The following SOX6 variants were observed in gnomAD, a reference collection of about 807,000 sequenced individuals.
The protein encoded by SOX6 is transcription factor SOX-6.
Under a neutral mutation model 97.8 loss-of-function variants are expected in SOX6, and 11 were observed. The ratio of observed to expected loss-of-function variants is 0.11; its 90% CI spans 0.07 to 0.19. The LOEUF (loss-of-function observed/expected upper bound fraction) is 0.19, where lower values mean the gene tolerates loss of function less well. Among genes scored for constraint, SOX6 ranks in the 10% least tolerant of loss-of-function variants. SOX6 has a pLI of 1.00. For synonymous variants in SOX6, 360 were observed against 371.4 expected (o/e 0.97, Z 0.35); for missense variants, 810 against 1,039.5 (o/e 0.78, Z 3.04).
chr11:16,063,218 T>C (rs898656855), intron 9 of SOX6, among the ~76,000 whole-genome samples: 5 of 151,286 alleles, frequency 3.3e-5, no homozygotes, highest in African/African-American at 1.2e-4. Flanking sequence ...AAATCTGTCT[T>C]CCATTTGGAT....
intron 7 of SOX6, among the ~76,000 whole-genome samples, chr11:16,102,961 C>T (rs1326615435): frequency 1.3e-5 from 2 of 151,918 alleles, no homozygotes; most frequent in African/African-American, 4.8e-5. Flanking sequence ...TAGACATTGG[C>T]TTAGGCAAAG....
chr11:16,273,636 C>T (rs1333600858), intron 3 of SOX6, among the ~76,000 whole-genome samples: 1 of 151,426 alleles, frequency 6.6e-6, no homozygotes, highest in Non-Finnish European at 1.5e-5. Flanking sequence ...AAAGAGGCAA[C>T]CAGGAGGAAA....
intron 6 of SOX6, among the ~76,000 whole-genome samples, chr11:16,141,915 C>T (rs1056924177): frequency 1.3e-5 from 2 of 152,080 alleles, no homozygotes; most frequent in Non-Finnish European, 2.9e-5. Flanking sequence ...TCTGTAGACT[C>T]CACCTCTGGA....
chr11:16,551,977 G>C (rs770974155), intron 4 of SOX6, among the ~76,000 whole-genome samples: 3 of 151,686 alleles, frequency 2.0e-5, no homozygotes, highest in Non-Finnish European at 4.4e-5. Context: ...CAATTCAAAG[G>C]GTATTCTTGA....
intron 4 of SOX6, among the ~76,000 whole-genome samples, chr11:16,588,843 T>C (rs1033066618): frequency 1.3e-5 from 2 of 152,092 alleles, no homozygotes; most frequent in African/African-American, 4.8e-5. Context: ...AGCCTGGGCG[T>C]TGTAGCAAGA....
intron 3 of SOX6, among the ~76,000 whole-genome samples, chr11:16,295,724 T>C (rs1855061199): frequency 6.6e-6 from 1 of 152,088 alleles, no homozygotes; most frequent in South Asian, 2.1e-4. Context: ...CCGATTTTAA[T>C]TTACCAAAAG....
intron 3 of SOX6, among the ~76,000 whole-genome samples, chr11:16,674,749 A>G (rs916151282): frequency 1.2e-4 from 18 of 152,188 alleles, no homozygotes; most frequent in African/African-American, 4.3e-4. Context: ...CCAGGAGTTC[A>G]AGACCAGCCT....
chr11:16,278,415 TAAAAC>T (rs1427193291), intron 3 of SOX6, among the ~76,000 whole-genome samples: 1 of 152,094 alleles, frequency 6.6e-6, no homozygotes, highest in East Asian at 1.9e-4. Flanking sequence ...GGTACAAACA[TAAAAC>T]AATACAAGCT....
intron 2 of SOX6, among the ~76,000 whole-genome samples, chr11:16,718,902 T>C (rs1848238218): frequency 6.7e-6 from 1 of 149,446 alleles, no homozygotes; most frequent in Non-Finnish European, 1.5e-5. Context: ...GAAGTTAAGG[T>C]GGATGGATTG....
chr11:16,353,835 A>G (rs1429263391), intron 1 of SOX6, among the ~76,000 whole-genome samples: 1 of 151,986 alleles, frequency 6.6e-6, no homozygotes, highest in Non-Finnish European at 1.5e-5. Flanking sequence ...TAGTTATAGG[A>G]AAGAATCCTG....
At chr11:16,655,834 G>A (rs1178211892) in intron 3 of SOX6, among the ~76,000 whole-genome samples, 1 of 151,830 alleles carries the variant, frequency 6.6e-6, no homozygotes, top group East Asian at 1.9e-4. Flanking sequence ...ACTTTTTTCT[G>A]GCCAGGCGTG....
Position 16,049,917 on chromosome 11 carries a change from G to T in SOX6, c.1273C>A (p.Leu425Met). The change falls in exon 11 of 16, where the codon CTG (leucine) becomes ATG (methionine). Residue 425 changes from leucine to methionine, a missense_variant. Around this residue, in one of 9 missense-constraint regions of SOX6, gnomAD observed 244 missense variants for 261.0 expected, o/e 0.93. Coordinates refer to ENST00000683767, the MANE Select transcript of SOX6 (RefSeq NM_001367873.1). ...QVKDEAAAQPLNLSSRPKTAE... is the reference protein window; with the variant it reads ...QVKDEAAAQPMNLSSRPKTAE... The stretch of plus-strand genomic sequence containing the variant: ...GTCTTGGGTCGGGATGAGAGATTCA[G>T]AGGCTGTGCTGCTGCTTCATCCTAC... 1 of 1,613,766 alleles carries T rather than the reference G, an allele frequency of 6.2e-7. No individual in the cohort carries two copies. Among genetic ancestry groups the T allele is most frequent in the Non-Finnish European group, 8.5e-7 (1 of 1,179,762 alleles).
intron 9 of SOX6, among the ~76,000 whole-genome samples, chr11:16,073,413 T>C (rs974776317): frequency 6.6e-5 from 10 of 152,192 alleles, no homozygotes; most frequent in Non-Finnish European, 1.5e-4. Flanking sequence ...CCTAAATATG[T>C]ATGCACCCAA....
At chr11:16,285,396 T>C (rs1854702810) in intron 3 of SOX6, among the ~76,000 whole-genome samples, 1 of 151,906 alleles carries the variant, frequency 6.6e-6, no homozygotes, top group Non-Finnish European at 1.5e-5. Flanking sequence ...TAGCTGGGCG[T>C]GGTGGCACAC....
intron 4 of SOX6, among the ~76,000 whole-genome samples, chr11:16,539,845 A>C (rs576475074): frequency 1.3e-5 from 2 of 152,292 alleles, no homozygotes; most frequent in East Asian, 3.9e-4. Context: ...TACCAACCAA[A>C]AAAAGTCCAG....
chr11:16,564,102 G>A (rs922246492), intron 4 of SOX6, among the ~76,000 whole-genome samples: 2 of 152,056 alleles, frequency 1.3e-5, no homozygotes, highest in Admixed American at 1.3e-4. Context: ...TAAAAAAAAT[G>A]ACTAAAGGAA....
chr11:16,672,924 A>C (rs1451655091), intron 3 of SOX6, among the ~76,000 whole-genome samples: 5 of 152,232 alleles, frequency 3.3e-5, no homozygotes, highest in African/African-American at 1.2e-4. Flanking sequence ...ATCAAAAAAG[A>C]CAAAGAAGGG....
At chr11:16,427,452 G>T (rs1237241482) in intron 1 of SOX6, among the ~76,000 whole-genome samples, 1 of 151,626 alleles carries the variant, frequency 6.6e-6, no homozygotes, top group Non-Finnish European at 1.5e-5. Flanking sequence ...TTAACATTAG[G>T]TATATCTCCT....
At chr11:16,065,019 C>A (rs1004193125) in intron 9 of SOX6, among the ~76,000 whole-genome samples, 1 of 151,700 alleles carries the variant, frequency 6.6e-6, no homozygotes, top group African/African-American at 2.4e-5. Flanking sequence ...CTAGCTAGAG[C>A]AATCAGACAA....
Sources: allele counts gnomAD v4.1 joint callset (sites outside exome capture counted in the v4.1 genomes callset), GRCh38; gene constraint gnomAD v4.1.1; regional missense constraint gnomAD v4.1.1; transcripts MANE v1.5; gene names NCBI Gene and HGNC (gene_info 2026-07-23, HGNC 2026-07-21).